The following SAP30BP variants were observed in gnomAD, a reference collection of about 807,000 sequenced individuals.
SAP30BP encodes SAP30-binding protein.
Under a neutral mutation model 46.3 loss-of-function variants are expected in SAP30BP, and 31 were observed. The observed-to-expected ratio is 0.67, with a 90% CI of 0.50 to 0.90. The LOEUF is 0.90. Ranked by LOEUF, SAP30BP falls within the 40% of genes least tolerant of loss-of-function variation. The pLI, the probability that SAP30BP is intolerant of heterozygous loss-of-function variation, is 0.00. For synonymous variants in SAP30BP, 169 were observed against 144.2 expected (o/e 1.17, Z -1.23); for missense variants, 312 against 391.0 (o/e 0.80, Z 1.70).
rs537729504 is a variant in SAP30BP, at chr17:75,684,591, A to G, written c.265-8849A>G. ...TGCCCAAGCCTACGTAGCATTCGGCACTTCCCTGCGCTCAACACGATGGAT... is the reference window on the plus strand; with the variant it reads ...TGCCCAAGCCTACGTAGCATTCGGCGCTTCCCTGCGCTCAACACGATGGAT... On this transcript the variant is annotated intron_variant, in intron 3 of 10. Transcript: ENST00000584667. 11 of 152,270 alleles carry G rather than the reference A, an allele frequency of 7.2e-5. No individual in the cohort carries two copies. The East Asian group carries it at 2.1e-3, about 29-fold the overall frequency. 9.4% of individuals were successfully genotyped at this position (152,270 alleles called of 1,614,324 possible).
chr17:75,703,639 T>G, intron 7 of SAP30BP, 169 bp from the exon 8 acceptor site: 1 of 683,948 alleles, frequency 1.5e-6, no homozygotes, highest in East Asian at 2.6e-5. Flanking sequence ...GGCTTCGTGC[T>G]CCCATGTTCT....
rs543923979 is a variant in SAP30BP, at chr17:75,696,669, T to G, written c.308-3114T>G. Among the ~76,000 whole-genome samples the G allele has an allele frequency of 3.2e-4, 48 of 152,110 alleles. 1 individual carries two copies. The highest frequency in any genetic ancestry group is 5.6e-4 in the Non-Finnish European group (38 of 67,986). ...TGCTTCCAAACTCTGTGTTGTACAC[T>G]TCTATCTAGTTTTCCCGAATGTGTT... On this transcript the variant is annotated intron_variant, in intron 4 of 10. Transcript: ENST00000584667.
At chr17:75,699,144 G>A (rs1003304963) in intron 4 of SAP30BP, among the ~76,000 whole-genome samples, 1 of 152,156 alleles carries the variant, frequency 6.6e-6, no homozygotes, top group Admixed American at 6.5e-5. Context: ...CTACGCTCTA[G>A]CCTGGGTTAC....
rs1599182434 is a variant in SAP30BP at position 75,706,719 on chromosome 17, A to G, written c.*198A>G. 1 of 587,088 alleles carries G rather than the reference A, an allele frequency of 1.7e-6. No individual in the cohort carries two copies. Among genetic ancestry groups the G allele is most frequent in the Non-Finnish European group, 3.0e-6 (1 of 330,946 alleles). The allele number at this position is 587,088 out of a possible 1,614,324, so 36.4% of individuals were successfully genotyped here. A position where few individuals can be genotyped will look rare whatever the true frequency, so the allele number is the denominator to read the frequency against. The stretch of plus-strand genomic sequence containing the variant: ...TGTGGACAGGGTCTGTCCACGCACC[A>G]CCTGGGGTCTGCCGCCTATTAAAAG... On this transcript the variant is annotated 3_prime_UTR_variant, in exon 11 of 11. Coordinates refer to ENST00000584667, the MANE Select transcript of SAP30BP (RefSeq NM_013260.8). This position sits in a 1 kb window ranked among gnomAD's most constrained non-coding sequence, Gnocchi z 4.6.
At chr17:75,702,727 C>T in intron 6 of SAP30BP, 156 bp downstream of exon 6, 1 of 471,820 alleles carries the variant, frequency 2.1e-6, no homozygotes, top group Admixed American at 3.6e-5. Flanking sequence ...GCGGACTGTG[C>T]TAACCCAGCC....
intron 3 of SAP30BP, among the ~76,000 whole-genome samples, chr17:75,681,413 C>T (rs964547999): frequency 1.3e-5 from 2 of 152,176 alleles, no homozygotes; most frequent in Non-Finnish European, 2.9e-5. Context: ...TCCCAGTTGA[C>T]GGGAGTTACT....
At chr17:75,698,807 C>A (rs1474320932) in intron 4 of SAP30BP, among the ~76,000 whole-genome samples, 2 of 152,228 alleles carry the variant, frequency 1.3e-5, no homozygotes, top group African/African-American at 4.8e-5. Flanking sequence ...ATGGCAAATG[C>A]CACAGATCAT....
chr17:75,669,693 C>G (rs1413694452), intron 2 of SAP30BP, among the ~76,000 whole-genome samples: 3 of 152,178 alleles, frequency 2.0e-5, no homozygotes, highest in African/African-American at 7.2e-5. Context: ...CCCTGGCCTT[C>G]TTAACTTCTT....
chr17:75,671,855 G>T lies in SAP30BP; in HGVS notation c.256G>T (p.Asp86Tyr). The T allele has an allele frequency of 1.2e-6, 2 of 1,613,454 alleles. No individual in the cohort carries two copies. Among genetic ancestry groups the T allele is most frequent in the African/African-American group, 1.3e-5 (1 of 75,002 alleles). ...DSETEKPEAD[D>Y]PKDNTEAEKR... ...AGAGACTGAAAAACCTGAGGCTGAT[G>T]ACCCAAAGGTATTTGGTGTTGGCTG... Residue 86 changes from aspartate to tyrosine, a missense_variant, in exon 3 of 11, where the codon GAC becomes TAC. Asp to Tyr is a radical substitution (Grantham distance 160). This residue lies in a region of SAP30BP where 296 missense variants were observed against 346.6 expected (regional missense o/e 0.85). Transcript: ENST00000584667.
chr17:75,682,766 A>G (rs567134247), intron 3 of SAP30BP, among the ~76,000 whole-genome samples: 2 of 148,142 alleles, frequency 1.4e-5, no homozygotes, highest in Admixed American at 6.7e-5. Flanking sequence ...TATCAAGACC[A>G]TCCTGGCCAA....
chr17:75,684,597 C>T (rs139768153), intron 3 of SAP30BP: 1 of 152,372 alleles, frequency 6.6e-6, no homozygotes, highest in Non-Finnish European at 1.5e-5. Flanking sequence ...CGGCACTTCC[C>T]TGCGCTCAAC....
At chr17:75,672,078 T>G (rs2059915691) in intron 3 of SAP30BP, 4 of 560,146 alleles carry the variant, frequency 7.1e-6, no homozygotes, top group Non-Finnish European at 1.3e-5. Context: ...GCCTTTCAGA[T>G]TGTGCCATAT....
Position 75,706,587 on chromosome 17 carries a change from G to A in SAP30BP, c.*66G>A, listed in dbSNP as rs1426755683. 22 of 1,449,018 alleles carry A rather than the reference G, an allele frequency of 1.5e-5. No individual in the cohort carries two copies. The highest frequency in any genetic ancestry group is 1.9e-4 in the Middle Eastern group (1 of 5,380). 89.8% of individuals were successfully genotyped at this position (1,449,018 alleles called of 1,614,324 possible). A position where few individuals can be genotyped will look rare whatever the true frequency, so the allele number is the denominator to read the frequency against. On this transcript the variant is annotated 3_prime_UTR_variant, in exon 11 of 11. Transcript: ENST00000584667. This position sits in a 1 kb window ranked among gnomAD's most constrained non-coding sequence, Gnocchi z 4.6. ...CAGTGACCACTGCCCAGTGGGAGGC[G>A]CCACTTTGTATATTTCAGGACTGGG...
intron 4 of SAP30BP, among the ~76,000 whole-genome samples, chr17:75,697,349 C>T (rs1370324720): frequency 1.3e-5 from 2 of 152,218 alleles, no homozygotes; most frequent in African/African-American, 4.8e-5. Context: ...CACTCTCCAC[C>T]AGCTTCTGCA....
At chr17:75,668,467 T>G (rs770771170) in intron 1 of SAP30BP, 49 bp from the exon 2 acceptor site, 35 of 1,146,072 alleles carry the variant, frequency 3.1e-5, no homozygotes, top group Non-Finnish European at 4.3e-5. Context: ...GTAACTCTTG[T>G]TTTTTTTTTC....
At chr17:75,687,303 A>C (rs1354083756) in intron 3 of SAP30BP, among the ~76,000 whole-genome samples, 2 of 152,206 alleles carry the variant, frequency 1.3e-5, no homozygotes, top group East Asian at 3.8e-4. Context: ...ATTTAGGAGC[A>C]TTAGGCCCAG....
chr17:75,697,328 C>A (rs558453976), intron 4 of SAP30BP, among the ~76,000 whole-genome samples: 3 of 152,218 alleles, frequency 2.0e-5, no homozygotes, highest in African/African-American at 7.2e-5. Context: ...CCAGCTCCCC[C>A]CAGCTGATTC....
At chr17:75,700,918 G>A (rs1304027358) in intron 5 of SAP30BP, among the ~76,000 whole-genome samples, 1 of 152,232 alleles carries the variant, frequency 6.6e-6, no homozygotes, top group African/African-American at 2.4e-5. Context: ...TTCATCTTGA[G>A]TAGTAGAACT....
Position 75,703,341 on chromosome 17 carries a change from C to T in SAP30BP, c.519C>T (p.Ala173=), listed in dbSNP as rs1329804569. 1.2e-6 allele frequency: 2 copies of T among 1,614,138 alleles called. No individual in the cohort carries two copies. The highest frequency in any genetic ancestry group is 1.7e-6 in the Non-Finnish European group (2 of 1,180,028). Residue 173 remains alanine (A), a synonymous_variant, in exon 7 of 11, where the codon GCC becomes GCT. Transcript: ENST00000584667. The part of the protein sequence containing the change: ...SIYEKLIQFC[A]IDELGTNYPK... ...ACGAGAAGCTGATCCAGTTCTGTGC[C>T]ATTGACGAGCTTGGCACCAACTACC...
Sources: allele counts gnomAD v4.1 joint callset (sites outside exome capture counted in the v4.1 genomes callset), GRCh38; gene constraint gnomAD v4.1.1; regional missense constraint gnomAD v4.1.1; non-coding constraint Gnocchi (gnomAD v3.1); transcripts MANE v1.5; gene names NCBI Gene and HGNC (gene_info 2026-07-23, HGNC 2026-07-21).